The following BICD1 variants were observed in gnomAD, a reference collection of about 807,000 sequenced individuals.
The protein encoded by BICD1 is BICD cargo adaptor 1, also known as protein bicaudal D homolog 1.
A neutral mutation model predicts 92.5 loss-of-function variants in BICD1; 35 were observed. The observed-to-expected ratio is 0.38, with a 90% CI of 0.29 to 0.50. BICD1 has a LOEUF of 0.50. Ranked by LOEUF, BICD1 falls within the 20% of genes least tolerant of loss-of-function variation. The pLI is 0.93. For synonymous variants in BICD1, 429 were observed against 465.1 expected, an observed-to-expected ratio of 0.92 and a Z score of 1.00; for missense variants, 950 against 1,189.8, an observed-to-expected ratio of 0.80 and a Z score of 2.97.
At chr12:32,246,381 T>A (rs1946390501) in intron 2 of BICD1, among the ~76,000 whole-genome samples, 1 of 151,458 alleles carries the variant, frequency 6.6e-6, no homozygotes, top group Non-Finnish European at 1.5e-5. Flanking sequence ...CTCACACTTG[T>A]AATCCCAGCA....
chr12:32,117,758 A>ATATATATTT (rs1491222610), intron 1 of BICD1, among the ~76,000 whole-genome samples: 1 of 107,914 alleles, frequency 9.3e-6, no homozygotes, highest in Non-Finnish European at 1.9e-5. Context: ...ATATATATAT[A>ATATATATTT]TTTTTTTTTA....
chr12:32,320,331 C>G (rs528921377), intron 4 of BICD1, among the ~76,000 whole-genome samples: 1 of 151,980 alleles, frequency 6.6e-6, no homozygotes, highest in Non-Finnish European at 1.5e-5. Context: ...CATAGAGAGA[C>G]CCCATCTCTA....
intron 1 of BICD1, among the ~76,000 whole-genome samples, chr12:32,183,264 C>CT (rs11296815): frequency 0.062 from 8,286 of 132,646 alleles, 279 homozygotes; most frequent in South Asian, 0.11. Flanking sequence ...CTAATAATTA[C>CT]TTTTTTTTTT....
chr12:32,185,266 A>C (rs1005562808), intron 1 of BICD1, among the ~76,000 whole-genome samples: 1 of 152,222 alleles, frequency 6.6e-6, no homozygotes, highest in Admixed American at 6.5e-5. Flanking sequence ...ACAAATCATA[A>C]GCAATTTATA....
At chr12:32,316,748 A>C (rs1948514166) in intron 4 of BICD1, among the ~76,000 whole-genome samples, 1 of 151,688 alleles carries the variant, frequency 6.6e-6, no homozygotes, top group Non-Finnish European at 1.5e-5. Flanking sequence ...GTACATATGC[A>C]CAACGTGCAG....
chr12:32,262,960 A>C (rs1211223792), intron 2 of BICD1, among the ~76,000 whole-genome samples: 1 of 151,450 alleles, frequency 6.6e-6, no homozygotes, highest in Non-Finnish European at 1.5e-5. Flanking sequence ...CCTGGCCAAC[A>C]TGGTGAAATC....
chr12:32,158,106 C>CTTTT (rs35906528), intron 1 of BICD1, among the ~76,000 whole-genome samples: 1 of 125,748 alleles, frequency 8.0e-6, no homozygotes, highest in Non-Finnish European at 1.7e-5. Flanking sequence ...TTTTTTTTTT[C>CTTTT]TTTTTTTTTT....
At chr12:32,176,360 T>C (rs1159807743) in intron 1 of BICD1, among the ~76,000 whole-genome samples, 1 of 152,224 alleles carries the variant, frequency 6.6e-6, no homozygotes, top group African/African-American at 2.4e-5. Context: ...CCTATTCCTC[T>C]TTTCTTAACA....
intron 1 of BICD1, among the ~76,000 whole-genome samples, chr12:32,123,932 T>G (rs768531468): frequency 6.6e-6 from 1 of 152,080 alleles, no homozygotes; most frequent in African/African-American, 2.4e-5. Context: ...AGTAGACCAC[T>G]TGTTTTAAAA....
chr12:32,214,165 T>C (rs261879), intron 1 of BICD1, among the ~76,000 whole-genome samples: 152,095 of 152,336 alleles, frequency 1, 75,928 homozygotes, highest in Non-Finnish European at 1. Context: ...ATATCCTCAT[T>C]ATCTTTTAAA....
intron 2 of BICD1, among the ~76,000 whole-genome samples, chr12:32,231,400 G>C (rs1323085908): frequency 7.2e-5 from 11 of 151,936 alleles, no homozygotes; most frequent in Non-Finnish European, 1.6e-4. Context: ...GCAGTGAGCT[G>C]TGATCATACC....
intron 2 of BICD1, among the ~76,000 whole-genome samples, chr12:32,220,079 T>A (rs1956161850): frequency 6.6e-6 from 1 of 152,124 alleles, no homozygotes; most frequent in African/African-American, 2.4e-5. Context: ...TTACACCTTA[T>A]ACAAAAACTA....
intron 1 of BICD1, among the ~76,000 whole-genome samples, chr12:32,189,768 G>A (rs1403337598): frequency 6.7e-6 from 1 of 149,878 alleles, no homozygotes; most frequent in Non-Finnish European, 1.5e-5. Flanking sequence ...GTGCAATCTC[G>A]GCTCACTGCA....
intron 4 of BICD1, among the ~76,000 whole-genome samples, chr12:32,312,646 C>T (rs752116214): frequency 9.2e-5 from 14 of 151,982 alleles, no homozygotes; most frequent in Non-Finnish European, 1.3e-4. Context: ...GTATGCCTTC[C>T]TAGGTTATGG....
chr12:32,260,148 C>G (rs1461382345), intron 2 of BICD1, among the ~76,000 whole-genome samples: 2 of 152,292 alleles, frequency 1.3e-5, no homozygotes, highest in Non-Finnish European at 1.5e-5. Flanking sequence ...TGGTCTCGAA[C>G]TCCCCACCTC....
chr12:32,158,091 A>AG (rs1943492449), intron 1 of BICD1, among the ~76,000 whole-genome samples: 1 of 141,122 alleles, frequency 7.1e-6, no homozygotes, highest in South Asian at 2.4e-4. Context: ...ATTTGAGCCT[A>AG]GGGGTTTTTT....
At chr12:32,128,952 T>C (rs1942441350) in intron 1 of BICD1, among the ~76,000 whole-genome samples, 1 of 151,822 alleles carries the variant, frequency 6.6e-6, no homozygotes. Context: ...TTTTTTTTCT[T>C]TTTTTTTGAG....
chr12:32,245,886 C>T (rs546782649), intron 2 of BICD1, among the ~76,000 whole-genome samples: 3 of 151,366 alleles, frequency 2.0e-5, no homozygotes, highest in Non-Finnish European at 4.4e-5. Context: ...AAAAATTAGC[C>T]AGGTGTGGTG....
chr12:32,172,990 C>T (rs1168517453), intron 1 of BICD1, among the ~76,000 whole-genome samples: 2 of 152,170 alleles, frequency 1.3e-5, no homozygotes, highest in Non-Finnish European at 2.9e-5. Flanking sequence ...TTCACCAGCC[C>T]GCTCAGCTCC....
Sources: gnomAD v4.1 joint callset for allele counts (sites outside exome capture counted in the v4.1 genomes callset) on GRCh38, gnomAD v4.1.1 for gene constraint, MANE v1.5 for transcripts, NCBI Gene and HGNC (gene_info 2026-07-23, HGNC 2026-07-21) for gene names.